AFG2A: variants seen among roughly 807,000 people sequenced by gnomAD.
AFG2A encodes ATPase family gene 2 protein homolog A.
the AFG2A span, chr4:122,923,080 C>G: frequency 1.3e-6 from 2 of 1,597,416 alleles, no homozygotes; most frequent in Non-Finnish European, 1.7e-6. Flanking sequence ...AAGTTTTTCT[C>G]TCAGTTGAAG....
the AFG2A span, among the ~76,000 whole-genome samples, chr4:123,026,644 G>T: frequency 1.2e-4 from 18 of 152,168 alleles, no homozygotes; most frequent in African/African-American, 4.3e-4. Context: ...AAAGCAATAT[G>T]AGTAATATAC....
chr4:123,053,604 C>T, the AFG2A span, among the ~76,000 whole-genome samples: 3 of 152,218 alleles, frequency 2.0e-5, no homozygotes, highest in African/African-American at 7.2e-5. Context: ...CCCTTGGAAT[C>T]TGCTGTGGGA....
the AFG2A span, among the ~76,000 whole-genome samples, chr4:123,144,601 A>G: frequency 6.6e-6 from 1 of 152,256 alleles, no homozygotes; most frequent in African/African-American, 2.4e-5. Context: ...AAAAAGCTCC[A>G]TAATTAAAAG....
At chr4:123,106,439 C>G in the AFG2A span, among the ~76,000 whole-genome samples, 1 of 151,994 alleles carries the variant, frequency 6.6e-6, no homozygotes, top group African/African-American at 2.4e-5. Context: ...CTGTATTTGT[C>G]AGAACCCTTC....
At chr4:123,044,083 A>G in the AFG2A span, among the ~76,000 whole-genome samples, 124,283 of 152,088 alleles carry the variant, frequency 0.82, 52,408 homozygotes, top group East Asian at 0.97. Flanking sequence ...TCCTGTTACA[A>G]TTCTTTGAAG....
the AFG2A span, among the ~76,000 whole-genome samples, chr4:123,311,934 A>G: frequency 6.6e-6 from 1 of 152,130 alleles, no homozygotes; most frequent in Admixed American, 6.6e-5. Flanking sequence ...AGCGGGGCAA[A>G]CCGCCCATCT....
the AFG2A span, among the ~76,000 whole-genome samples, chr4:122,987,882 A>G: frequency 6.6e-6 from 1 of 152,062 alleles, no homozygotes; most frequent in Non-Finnish European, 1.5e-5. Context: ...CTGGGTTTGT[A>G]TTCTTACCTT....
At chr4:123,008,395 A>G in the AFG2A span, among the ~76,000 whole-genome samples, 1 of 152,194 alleles carries the variant, frequency 6.6e-6, no homozygotes, top group African/African-American at 2.4e-5. Context: ...AATATTGGGG[A>G]TCAAATTTCA....
chr4:123,145,065 T>G, the AFG2A span, among the ~76,000 whole-genome samples: 7 of 152,092 alleles, frequency 4.6e-5, no homozygotes, highest in African/African-American at 7.2e-5. Flanking sequence ...ATCCCGAAAT[T>G]GGAAGCTTCT....
At chr4:123,254,525 T>C in the AFG2A span, among the ~76,000 whole-genome samples, 8 of 152,214 alleles carry the variant, frequency 5.3e-5, no homozygotes, top group African/African-American at 1.9e-4. Flanking sequence ...TTGTTCTTTT[T>C]AGAAGTTGCT....
At chr4:123,200,106 CCTT>C in the AFG2A span, among the ~76,000 whole-genome samples, 2 of 152,082 alleles carry the variant, frequency 1.3e-5, no homozygotes, top group Non-Finnish European at 2.9e-5. Context: ...TGGAACAAGG[CCTT>C]CTTTTTTTCT....
chr4:123,285,279 T>C, the AFG2A span, among the ~76,000 whole-genome samples: 1 of 152,170 alleles, frequency 6.6e-6, no homozygotes, highest in Non-Finnish European at 1.5e-5. Context: ...ACTGTCCTAA[T>C]TTCCTCTACT....
chr4:122,936,207 T>A, the AFG2A span: 1 of 1,446,438 alleles, frequency 6.9e-7, no homozygotes. Context: ...GCTGTATTAG[T>A]CAAAGTGAGA....
At chr4:122,980,904 C>T in the AFG2A span, among the ~76,000 whole-genome samples, 126,391 of 151,976 alleles carry the variant, frequency 0.83, 53,691 homozygotes, top group East Asian at 0.96. Context: ...TTTTGGATAG[C>T]AGCCCCTTAC....
the AFG2A span, among the ~76,000 whole-genome samples, chr4:123,160,919 A>G: frequency 6.6e-6 from 1 of 152,214 alleles, no homozygotes; most frequent in Non-Finnish European, 1.5e-5. Context: ...AACAATTATA[A>G]CAATATGCTA....
chr4:123,168,115 A>G, the AFG2A span, among the ~76,000 whole-genome samples: 1 of 152,170 alleles, frequency 6.6e-6, no homozygotes, highest in Admixed American at 6.5e-5. Context: ...ACTGAAGCTG[A>G]TTTTTATCAG....
chr4:123,123,812 C>T, the AFG2A span, among the ~76,000 whole-genome samples: 1 of 151,242 alleles, frequency 6.6e-6, no homozygotes, highest in Non-Finnish European at 1.5e-5. Flanking sequence ...ATTAGCCGGG[C>T]ATGGTGGCGC....
the AFG2A span, among the ~76,000 whole-genome samples, chr4:123,016,682 C>A: frequency 6.6e-6 from 1 of 151,654 alleles, no homozygotes; most frequent in African/African-American, 2.4e-5. Flanking sequence ...AGACGATGGG[C>A]GGCCAGGCAG....
chr4:123,133,481 G>GGCGTGT, the AFG2A span, among the ~76,000 whole-genome samples: 2 of 80,586 alleles, frequency 2.5e-5, no homozygotes, highest in Non-Finnish European at 7.9e-5. Context: ...TCCTATCATA[G>GGCGTGT]GCGTGTGCGT....
Sources: gnomAD v4.1 joint callset for allele counts (sites outside exome capture counted in the v4.1 genomes callset) on GRCh38, gnomAD v4.1.1 for gene constraint, MANE v1.5 for transcripts, NCBI Gene and HGNC (gene_info 2026-07-23, HGNC 2026-07-21) for gene names.